The following MAPK8IP2 variants were observed in gnomAD, a reference collection of about 807,000 sequenced individuals.
MAPK8IP2 encodes C-Jun-amino-terminal kinase-interacting protein 2.
In MAPK8IP2, 15 loss-of-function variants were observed where a neutral mutation model predicts 75.6. The ratio of observed to expected loss-of-function variants is 0.20; its 90% CI spans 0.13 to 0.31. The LOEUF (loss-of-function observed/expected upper bound fraction) is 0.31. MAPK8IP2 is among the 10% of genes least tolerant of loss of function. The pLI, the probability that MAPK8IP2 is intolerant of heterozygous loss-of-function variation, is 1.00. For synonymous variants in MAPK8IP2, 632 were observed against 554.5 expected (o/e 1.14, Z -1.96); for missense variants, 1,089 against 1,211.2 (o/e 0.90, Z 1.50).
chr22:50,612,017 C>G lies in MAPK8IP2; in HGVS notation c.*1238C>G, dbSNP rs1486033355. 1 of 152,100 alleles carries G rather than the reference C, an allele frequency of 6.6e-6. No individual in the cohort carries two copies. The highest frequency in any genetic ancestry group is 1.5e-5 in the Non-Finnish European group (1 of 68,016). 9.4% of individuals were successfully genotyped at this position (152,100 alleles called of 1,614,324 possible). On this transcript the variant is annotated 3_prime_UTR_variant, in exon 12 of 12. Transcript: ENST00000329492. ...TGAAACCCCATCTCCACAAAAAATA[C>G]AAAAATTAGCTAGGTGTCCTGGCGC...
At chr22:50,603,122 T>G in intron 2 of MAPK8IP2, 101 bp from the exon 3 acceptor site, 1 of 1,595,922 alleles carries the variant, frequency 6.3e-7, no homozygotes, top group Non-Finnish European at 8.6e-7. Flanking sequence ...GAAGGGGCTC[T>G]CCTTTGACTG....
At position 50,605,306 on chromosome 22, in the gene MAPK8IP2, C is replaced by T. The variant is rs574103710; in HGVS notation, c.1766-62C>T. 132 of 1,521,060 alleles carry T rather than the reference C, an allele frequency of 8.7e-5. 3 individuals carry two copies. In the East Asian group the frequency reaches 2.3e-3, roughly 26 times the overall value. 94.2% of individuals were successfully genotyped at this position (1,521,060 alleles called of 1,614,324 possible). Reference sequence around the variant, plus strand: ...TTGGCCTCTGCCCAAGGCCAGGCCTCTAAGCACTACTCTGACTCTGTCTCC... The same window carrying T: ...TTGGCCTCTGCCCAAGGCCAGGCCTTTAAGCACTACTCTGACTCTGTCTCC... On this transcript the variant is annotated intron_variant, in intron 5 of 11. Transcript: ENST00000329492.
chr22:50,600,840 T>A lies in MAPK8IP2; in HGVS notation c.22T>A (p.Phe8Ile). 1 of 1,308,678 alleles carries A rather than the reference T, an allele frequency of 7.6e-7. No homozygotes were observed. The highest frequency in any genetic ancestry group is 5.4e-5 in the East Asian group (1 of 18,600). 81.1% of individuals were successfully genotyped at this position (1,308,678 alleles called of 1,614,324 possible). MADRAEM[F>I]SLSTFHSLSP... ...GAAGATGGCGGATCGCGCGGAGATG[T>A]TTTCTCTCTCCACCTTCCACTCGCT... The change falls in exon 1 of 12, where the codon TTT (phenylalanine) becomes ATT (isoleucine). Residue 8 changes from phenylalanine (F) to isoleucine (I), a missense_variant. By Grantham distance (21) the Phe-to-Ile change is conservative (BLOSUM62 0). Coordinates refer to ENST00000329492, the MANE Select transcript of MAPK8IP2 (RefSeq NM_012324.6).
chr22:50,603,910 G>T lies in MAPK8IP2; in HGVS notation c.611G>T (p.Cys204Phe). 1 of 1,537,610 alleles carries T rather than the reference G, an allele frequency of 6.5e-7. No individual in the cohort carries two copies. The highest frequency in any genetic ancestry group is 8.7e-7 in the Non-Finnish European group (1 of 1,145,192). The change falls in exon 5 of 12, where the codon TGC becomes TTC. Residue 204 changes from cysteine to phenylalanine, a missense_variant. Cys to Phe is a radical substitution (Grantham distance 205). Coordinates refer to ENST00000329492, the MANE Select transcript of MAPK8IP2 (RefSeq NM_012324.6). ...GCGCAGTCGCCAGTGCGCCCGGGTTGCGACTGCGAAGGGAACCGGCCTGCG... is the reference window on the plus strand; with the variant it reads ...GCGCAGTCGCCAGTGCGCCCGGGTTTCGACTGCGAAGGGAACCGGCCTGCG... ...GGAQSPVRPGCDCEGNRPAEP... is the reference protein window; with the variant it reads ...GGAQSPVRPGFDCEGNRPAEP...
chr22:50,613,820 G>A lies in MAPK8IP2; in HGVS notation c.*3041G>A, dbSNP rs1178738148. 6.6e-6 allele frequency: 1 copy of A among 152,398 alleles called. No individual in the cohort carries two copies. The highest frequency in any genetic ancestry group is 1.5e-5 in the Non-Finnish European group (1 of 68,060). 9.4% of individuals were successfully genotyped at this position (152,398 alleles called of 1,614,324 possible). A position where few individuals can be genotyped will look rare whatever the true frequency, so the allele number is the denominator to read the frequency against. ...ACTTGCTCTCCTGGTAGCGGCTGCTGACTGTGAGCCCAGAGAGCAGGCGTG... is the reference window on the plus strand; with the variant it reads ...ACTTGCTCTCCTGGTAGCGGCTGCTAACTGTGAGCCCAGAGAGCAGGCGTG... On this transcript the variant is annotated 3_prime_UTR_variant, in exon 12 of 12. Coordinates refer to ENST00000329492, the MANE Select transcript of MAPK8IP2 (RefSeq NM_012324.6).
At position 50,604,981 on chromosome 22, in the gene MAPK8IP2, G is replaced by T. The variant is rs751153190; in HGVS notation, c.1682G>T (p.Gly561Val). 1.2e-6 allele frequency: 2 copies of T among 1,612,370 alleles called. No individual in the cohort carries two copies. Among genetic ancestry groups the T allele is most frequent in the South Asian group, 2.2e-5 (2 of 91,078 alleles). Reference sequence around the variant, plus strand: ...CTGCTAGGCGGCGGTCAGGTCTCGGGGGACACCTCGCCGGACAGCCCTGAC... The same window carrying T: ...CTGCTAGGCGGCGGTCAGGTCTCGGTGGACACCTCGCCGGACAGCCCTGAC... ...AALLGGGQVS[G>V]DTSPDSPDLT... The change falls in exon 5 of 12, where the codon GGG becomes GTG. Residue 561 changes from glycine (G) to valine (V), a missense_variant. By Grantham distance (109) the Gly-to-Val change is moderately radical. This residue lies in a region of MAPK8IP2 where 960 missense variants were observed against 1,009.6 expected (regional missense o/e 0.95). Coordinates refer to ENST00000329492, the MANE Select transcript of MAPK8IP2 (RefSeq NM_012324.6).
In MAPK8IP2 at chr22:50,604,929, G is replaced by A; in HGVS notation, c.1630G>A (p.Ala544Thr). The change falls in exon 5 of 12, where the codon GCC becomes ACC. Residue 544 changes from alanine to threonine, a missense_variant. Ala to Thr is a moderately conservative substitution (Grantham distance 58). Transcript: ENST00000329492. ...HDSEEDSGGE[A>T]SEEEAGAALL... ...CAGCGAAGAGGACAGCGGCGGGGAG[G>A]CCAGCGAGGAGGAGGCGGGCGCGGC... 1.2e-6 allele frequency: 2 copies of A among 1,608,918 alleles called. No individual in the cohort carries two copies. Among genetic ancestry groups the A allele is most frequent in the Non-Finnish European group, 1.7e-6 (2 of 1,178,262 alleles).
Position 50,611,024 on chromosome 22 carries a change from C to T in MAPK8IP2, c.*245C>T, listed in dbSNP as rs2071141169. On this transcript the variant is annotated 3_prime_UTR_variant, in exon 12 of 12. Coordinates refer to ENST00000329492, the MANE Select transcript of MAPK8IP2 (RefSeq NM_012324.6). The surrounding 1 kb of genome is among the most constrained non-coding windows in gnomAD (Gnocchi z 5.5). ...ATCCGTTCTTTCTCTGTGTTGTCCT[C>T]CTCCTTCCCTTCCCAGTCTCCCTTT... 2.1e-6 allele frequency: 1 copy of T among 487,644 alleles called. No individual in the cohort carries two copies. The highest frequency in any genetic ancestry group is 3.7e-6 in the Non-Finnish European group (1 of 273,030). 30.2% of individuals were successfully genotyped at this position (487,644 alleles called of 1,614,324 possible).
chr22:50,610,564 G>C lies in MAPK8IP2; in HGVS notation c.2403-143G>C. The C allele has an allele frequency of 2.7e-6, 2 of 733,636 alleles. No homozygotes were observed. Among genetic ancestry groups the C allele is most frequent in the Non-Finnish European group, 4.6e-6 (2 of 431,574 alleles). 45.4% of individuals were successfully genotyped at this position (733,636 alleles called of 1,614,324 possible). A position where few individuals can be genotyped will look rare whatever the true frequency, so the allele number is the denominator to read the frequency against. ...GCCAGGAGAGCTGAGGGTCACACTT[G>C]GGGGTGACATGGCCATGCCTGGGTG... On this transcript the variant is annotated intron_variant, in intron 11 of 11. Coordinates refer to ENST00000329492, the MANE Select transcript of MAPK8IP2 (RefSeq NM_012324.6). This position sits in a 1 kb window ranked among gnomAD's most constrained non-coding sequence, Gnocchi z 4.3.
chr22:50,604,762 C>T lies in MAPK8IP2; in HGVS notation c.1463C>T (p.Ser488Phe), dbSNP rs761331074. ...EEEDAEDSAG[S>F]PGGRGTGPSA... ...GAGGATGCCGAGGACAGTGCGGGGT[C>T]CCCCGGGGGCAGGGGCACGGGCCCC... The change falls in exon 5 of 12, where the codon TCC (serine) becomes TTC (phenylalanine). Residue 488 changes from serine to phenylalanine, a missense_variant. Physicochemically the swap from Ser to Phe is radical, Grantham distance 155. Transcript: ENST00000329492. 1.7e-5 allele frequency: 26 copies of T among 1,543,346 alleles called. No individual in the cohort carries two copies. The highest frequency in any genetic ancestry group is 2.3e-5 in the Non-Finnish European group (26 of 1,145,180).
At chr22:50,605,243 C>A in intron 5 of MAPK8IP2, 125 bp from the exon 6 acceptor site, 1 of 1,133,830 alleles carries the variant, frequency 8.8e-7, no homozygotes, top group Non-Finnish European at 1.3e-6. Flanking sequence ...CAGCTCCTTC[C>A]CGCTCGTAGG....
At chr22:50,606,540 C>A in intron 8 of MAPK8IP2, 118 bp from the exon 9 acceptor site, 1 of 754,820 alleles carries the variant, frequency 1.3e-6, no homozygotes, top group Non-Finnish European at 2.3e-6. Flanking sequence ...TCTCAGGGTC[C>A]TCAGCATGTG....
At chr22:50,603,796 G>T (rs915342185) in intron 4 of MAPK8IP2, 45 bp from the exon 5 acceptor site, 5 of 1,535,834 alleles carry the variant, frequency 3.3e-6, no homozygotes, top group East Asian at 2.5e-5. Context: ...GCTGGAAGAG[G>T]CCTGGGTGGT....
intron 10 of MAPK8IP2, among the ~76,000 whole-genome samples, chr22:50,608,778 C>T (rs1279369064): frequency 2.9e-5 from 4 of 136,836 alleles, no homozygotes; most frequent in East Asian, 2.1e-4. Context: ...GCGGACGGGG[C>T]GCAGACCAGA....
At position 50,605,011 on chromosome 22, in the gene MAPK8IP2, C is replaced by T. The variant is rs1442398619; in HGVS notation, c.1712C>T (p.Thr571Ile). The part of the protein sequence containing the change: ...GDTSPDSPDL[T>I]FSKKFLNVFV... The stretch of plus-strand genomic sequence containing the variant: ...ACCTCGCCGGACAGCCCTGACCTCA[C>T]TTTCTCCAAGAAGTTCCTCAATGTC... The change falls in exon 5 of 12, where the codon ACT (threonine) becomes ATT (isoleucine). Residue 571 changes from threonine to isoleucine, a missense_variant. By Grantham distance (89) the Thr-to-Ile change is moderately conservative. This residue lies in a region of MAPK8IP2 where 960 missense variants were observed against 1,009.6 expected (regional missense o/e 0.95). Transcript: ENST00000329492. The T allele has an allele frequency of 2.5e-6, 4 of 1,612,550 alleles. No homozygotes were observed. Among genetic ancestry groups the T allele is most frequent in the Admixed American group, 3.3e-5 (2 of 60,030 alleles).
chr22:50,609,669 T>A (rs751647864), intron 10 of MAPK8IP2: 2 of 448,750 alleles, frequency 4.5e-6, no homozygotes, highest in Non-Finnish European at 4.5e-6. Context: ...GATTTTTGAT[T>A]TTTGCTAATG....
rs1331174467 is a variant in MAPK8IP2, at chr22:50,606,664, A to G, written c.2131A>G (p.Thr711Ala). ...ILCAAMQKIATARKLTVHLRP... is the reference protein window; with the variant it reads ...ILCAAMQKIAAARKLTVHLRP... Reference sequence around the variant, plus strand: ...CCCCCAACTTCTTCTGTAGATTGCCACTGCCCGGAAACTGACCGTCCACCT... The same window carrying G: ...CCCCCAACTTCTTCTGTAGATTGCCGCTGCCCGGAAACTGACCGTCCACCT... Residue 711 changes from threonine to alanine, a missense_variant, in exon 9 of 12, where the codon ACT (threonine) becomes GCT (alanine). Physicochemically the swap from Thr to Ala is moderately conservative, Grantham distance 58. Coordinates refer to ENST00000329492, the MANE Select transcript of MAPK8IP2 (RefSeq NM_012324.6). The G allele has an allele frequency of 6.3e-7, 1 of 1,593,110 alleles. No homozygotes were observed.
intron 3 of MAPK8IP2, 58 bp downstream of exon 3, chr22:50,603,556 T>G: frequency 1.2e-5 from 19 of 1,578,226 alleles, no homozygotes; most frequent in Non-Finnish European, 1.6e-5. Context: ...GCACCTGGGC[T>G]GCAGCCAGCC....
rs998516195 is a variant in MAPK8IP2, at chr22:50,612,852, C to G, written c.*2073C>G. The G allele has an allele frequency of 3.6e-5, 1 of 27,970 alleles. No individual in the cohort carries two copies. Among genetic ancestry groups the G allele is most frequent in the African/African-American group, 1.5e-4 (1 of 6,626 alleles). 1.7% of individuals were successfully genotyped at this position (27,970 alleles called of 1,614,324 possible). A position where few individuals can be genotyped will look rare whatever the true frequency, so the allele number is the denominator to read the frequency against. Reference sequence around the variant, plus strand: ...TGAGAATTCTCCAAGCCCTGCCCTCCGGCGCCCCCGTCCCGCCCCTGCCCG... The same window carrying G: ...TGAGAATTCTCCAAGCCCTGCCCTCGGGCGCCCCCGTCCCGCCCCTGCCCG... On this transcript the variant is annotated 3_prime_UTR_variant, in exon 12 of 12. Coordinates refer to ENST00000329492, the MANE Select transcript of MAPK8IP2 (RefSeq NM_012324.6).
Sources: gnomAD v4.1 joint callset for allele counts (sites outside exome capture counted in the v4.1 genomes callset) on GRCh38, gnomAD v4.1.1 for gene constraint, gnomAD v4.1.1 regional missense constraint, Gnocchi (gnomAD v3.1) non-coding constraint, MANE v1.5 for transcripts, NCBI Gene and HGNC (gene_info 2026-07-23, HGNC 2026-07-21) for gene names.